The following SYNPO variants were observed in gnomAD, a reference collection of about 807,000 sequenced individuals.
SYNPO encodes the protein synaptopodin.
Under a neutral mutation model 49.5 loss-of-function variants are expected in SYNPO, and 19 were observed. The observed-to-expected ratio is 0.38, with a 90% CI of 0.27 to 0.56. The LOEUF (loss-of-function observed/expected upper bound fraction) is 0.56, where lower values mean the gene tolerates loss of function less well. SYNPO is among the 20% of genes least tolerant of loss of function. The pLI is 0.68. For missense variants in SYNPO, 1,131 were observed against 1,248.3 expected, an observed-to-expected ratio of 0.91 and a Z score of 1.42; for synonymous variants, 536 against 548.0, an observed-to-expected ratio of 0.98 and a Z score of 0.31.
At position 150,618,733 on chromosome 5, in the gene SYNPO, C is replaced by A. The variant is rs754473912; in HGVS notation, c.366C>A (p.Ser122Arg). ...GGCAGATGATGACAGCCAGCCCCAGCCCTGGCCCTGGGCCCAGAGTGGCCC... is the reference window on the plus strand; with the variant it reads ...GGCAGATGATGACAGCCAGCCCCAGACCTGGCCCTGGGCCCAGAGTGGCCC... The change falls in exon 2 of 3, where the codon AGC becomes AGA. Residue 122 changes from serine to arginine, a missense_variant. Ser to Arg is a moderately radical substitution (Grantham distance 110). Coordinates refer to the SYNPO transcript ENST00000394243. 30 of 1,551,320 alleles carry A rather than the reference C, an allele frequency of 1.9e-5. No individual in the cohort carries two copies. The South Asian group carries it at 3.3e-4, about 17-fold the overall frequency.
the SYNPO span, among the ~76,000 whole-genome samples, chr5:150,591,917 G>A: frequency 6.6e-6 from 1 of 152,134 alleles, no homozygotes; most frequent in Non-Finnish European, 1.5e-5. Context: ...TGTAATCCCA[G>A]CACTTTGGGA....
At chr5:150,630,332 G>C (rs1355476430) in intron 2 of SYNPO, among the ~76,000 whole-genome samples, 1 of 152,212 alleles carries the variant, frequency 6.6e-6, no homozygotes, top group African/African-American at 2.4e-5. Flanking sequence ...GAGCAGCCCA[G>C]GGTCACACAG....
intron 1 of SYNPO, among the ~76,000 whole-genome samples, chr5:150,613,045 C>G (rs1291375310): frequency 6.6e-6 from 1 of 152,208 alleles, no homozygotes; most frequent in Non-Finnish European, 1.5e-5. Flanking sequence ...TCCCAAAGTG[C>G]TGAGATTACA....
chr5:150,648,836 C>A lies in SYNPO; in HGVS notation c.561C>A (p.Phe187Leu). Residue 187 changes from phenylalanine to leucine, a missense_variant, in exon 2 of 3, where the codon TTC (phenylalanine) becomes TTA (leucine). Coordinates refer to ENST00000307662, the MANE Select transcript of SYNPO (RefSeq NM_007286.6). The surrounding 1 kb of genome is among the most constrained non-coding windows in gnomAD (Gnocchi z 5.0). ...GCTCCAGGCCCCCAGCCTCAGATTT[C>A]ATGTCCAGCTCCCTGCTCATTGACA... ...IPSSRPPASD[F>L]MSSSLLIDIQ... 2 of 1,614,182 alleles carry A rather than the reference C, an allele frequency of 1.2e-6. No homozygotes were observed. Among genetic ancestry groups the A allele is most frequent in the South Asian group, 2.2e-5 (2 of 91,080 alleles).
chr5:150,615,401 T>G (rs1422220840), intron 1 of SYNPO: 1 of 152,230 alleles, frequency 6.6e-6, no homozygotes, highest in African/African-American at 2.4e-5. Flanking sequence ...GCGAGGCCCC[T>G]GCGGGGAGTC....
In SYNPO at chr5:150,649,246, C is replaced by T; in HGVS notation, c.971C>T (p.Thr324Ile). ...ACTGCACCCCCCACCTACACTGAGA[C>T]CTTGTCCACAGCCCCTCTGGCTTCC... ...NFTAPPTYTE[T>I]LSTAPLASWV... The change falls in exon 2 of 3, where the codon ACC becomes ATC. Residue 324 changes from threonine to isoleucine, a missense_variant. Thr to Ile is a moderately conservative substitution (Grantham distance 89). Coordinates refer to ENST00000307662, the MANE Select transcript of SYNPO (RefSeq NM_007286.6). 6.2e-7 allele frequency: 1 copy of T among 1,614,182 alleles called. No individual in the cohort carries two copies. The highest frequency in any genetic ancestry group is 1.1e-5 in the South Asian group (1 of 91,076).
chr5:150,612,069 C>T (rs1756862742), intron 1 of SYNPO, among the ~76,000 whole-genome samples: 1 of 152,226 alleles, frequency 6.6e-6, no homozygotes, highest in Admixed American at 6.5e-5. Context: ...TGGATCTCAT[C>T]CCCTCTTTGG....
chr5:150,596,174 C>A (rs1007636022), upstream of SYNPO, among the ~76,000 whole-genome samples: 4 of 152,162 alleles, frequency 2.6e-5, no homozygotes, highest in Non-Finnish European at 5.9e-5. Context: ...TGCTTCCTGA[C>A]CCCTACTCCT....
intron 1 of SYNPO, among the ~76,000 whole-genome samples, chr5:150,605,527 G>A (rs531944509): frequency 6.6e-6 from 1 of 152,130 alleles, no homozygotes; most frequent in African/African-American, 2.4e-5. Flanking sequence ...TATGGGGAGA[G>A]GGGAAGGGGA....
upstream of SYNPO, among the ~76,000 whole-genome samples, chr5:150,639,740 G>A (rs978916803): frequency 1.3e-5 from 2 of 152,194 alleles, no homozygotes; most frequent in East Asian, 3.8e-4. Context: ...CCAAAATGTT[G>A]GCTCTTGTCA....
rs199790421 is a variant in SYNPO, at chr5:150,648,500, G to A, written c.225G>A (p.Ser75=). 12 of 1,614,044 alleles carry A rather than the reference G, an allele frequency of 7.4e-6. No individual in the cohort carries two copies. Among genetic ancestry groups the A allele is most frequent in the South Asian group, 6.6e-5 (6 of 91,062 alleles). Residue 75 remains serine, a synonymous_variant, in exon 2 of 3, where the codon TCG becomes TCA. Coordinates refer to ENST00000307662, the MANE Select transcript of SYNPO (RefSeq NM_007286.6). This position sits in a 1 kb window ranked among gnomAD's most constrained non-coding sequence, Gnocchi z 5.0. Reference sequence around the variant, plus strand: ...CAGATGTCAACCAAAACCTTGCCTCGCCCAGTGCCACGCTCACCACACCAA... The same window carrying A: ...CAGATGTCAACCAAAACCTTGCCTCACCCAGTGCCACGCTCACCACACCAA... ...PAADVNQNLA[S]PSATLTTPTS...
intron 2 of SYNPO, among the ~76,000 whole-genome samples, chr5:150,623,208 A>G (rs1416059197): frequency 6.6e-6 from 1 of 152,148 alleles, no homozygotes; most frequent in Non-Finnish European, 1.5e-5. Context: ...TCTTTTCTCC[A>G]TTTCCTTTTG....
intron 2 of SYNPO, among the ~76,000 whole-genome samples, chr5:150,630,788 C>T (rs536460162): frequency 6.6e-6 from 1 of 152,314 alleles, no homozygotes; most frequent in Non-Finnish European, 1.5e-5. Context: ...TGAAGCTCAG[C>T]TGTGGACTTT....
chr5:150,621,156 T>C (rs892671695), intron 2 of SYNPO, among the ~76,000 whole-genome samples: 1 of 152,082 alleles, frequency 6.6e-6, no homozygotes, highest in African/African-American at 2.4e-5. Flanking sequence ...TTTCACCATG[T>C]TGGCCAGGCT....
At position 150,657,413 on chromosome 5, in the gene SYNPO, CTT is replaced by C. The variant is rs1261570852; in HGVS notation, c.*328_*329del. 4.9e-4 allele frequency: 142 copies of C among 288,168 alleles called. No homozygotes were observed. Among genetic ancestry groups the C allele is most frequent in the African/African-American group, 3.0e-3 (102 of 34,076 alleles). The allele number at this position is 288,168 out of a possible 1,614,324, so 17.9% of individuals were successfully genotyped here. On this transcript the variant is annotated 3_prime_UTR_variant, in exon 3 of 3. Coordinates refer to ENST00000307662, the MANE Select transcript of SYNPO (RefSeq NM_007286.6). ...ACACACCGATGCACACACACTCTCT[CTT>C]TCTCTCTCTCTCTCTCTCACACACA...
chr5:150,586,149 G>A, the SYNPO span, among the ~76,000 whole-genome samples: 31 of 152,226 alleles, frequency 2.0e-4, no homozygotes, highest in African/African-American at 7.0e-4. Context: ...GGCTCCCCTC[G>A]GCCTTGGCAG....
At chr5:150,593,035 A>C in the SYNPO span, among the ~76,000 whole-genome samples, 1 of 152,238 alleles carries the variant, frequency 6.6e-6, no homozygotes, top group Non-Finnish European at 1.5e-5. Flanking sequence ...CCTTCTGAAC[A>C]AAGTGCTCCC....
chr5:150,597,633 C>A (rs1478504385), upstream of SYNPO, among the ~76,000 whole-genome samples: 3 of 151,972 alleles, frequency 2.0e-5, no homozygotes, highest in Non-Finnish European at 2.9e-5. Flanking sequence ...TGTGCCCAGC[C>A]AGGTTTTTCT....
chr5:150,650,848 A>G, intron 2 of SYNPO: 2 of 1,271,498 alleles, frequency 1.6e-6, no homozygotes, highest in East Asian at 3.0e-5. Flanking sequence ...TCTCACCTCC[A>G]TGGGCCTGTC....
Sources: allele counts gnomAD v4.1 joint callset (sites outside exome capture counted in the v4.1 genomes callset), GRCh38; gene constraint gnomAD v4.1.1; non-coding constraint Gnocchi (gnomAD v3.1); transcripts MANE v1.5; gene names NCBI Gene and HGNC (gene_info 2026-07-23, HGNC 2026-07-21).